Variants in SCHIP1 observed in about 807,000 individuals in gnomAD.
SCHIP1 encodes the protein schwannomin interacting protein 1, also known as schwannomin-interacting protein 1.
A neutral mutation model predicts 29.7 loss-of-function variants in SCHIP1; 8 were observed. That is an observed-to-expected ratio of 0.27 (90% CI 0.16 to 0.49). The LOEUF (loss-of-function observed/expected upper bound fraction) is 0.49, where lower values mean the gene tolerates loss of function less well. Ranked by LOEUF, SCHIP1 falls within the 20% of genes least tolerant of loss-of-function variation. SCHIP1 has a pLI of 0.99. For synonymous variants in SCHIP1, 76 were observed against 94.9 expected, an observed-to-expected ratio of 0.80 and a Z score of 1.16; for missense variants, 193 against 294.6, an observed-to-expected ratio of 0.66 and a Z score of 2.52.
the SCHIP1 span, among the ~76,000 whole-genome samples, chr3:159,312,323 A>G: frequency 4.1e-3 from 619 of 152,272 alleles, 2 homozygotes; most frequent in Non-Finnish European, 6.6e-3. Flanking sequence ...GTGGTGATCT[A>G]TGGGCCATGG....
the SCHIP1 span, among the ~76,000 whole-genome samples, chr3:159,661,911 T>C: frequency 1.3e-5 from 2 of 152,196 alleles, no homozygotes; most frequent in Non-Finnish European, 2.9e-5. Context: ...AGTATGTCAG[T>C]ATATTCAGTT....
the SCHIP1 span, among the ~76,000 whole-genome samples, chr3:159,438,210 A>G: frequency 1.3e-5 from 2 of 152,112 alleles, no homozygotes; most frequent in African/African-American, 4.8e-5. Context: ...TCTTATCGAA[A>G]TGGGGTATAG....
the SCHIP1 span, among the ~76,000 whole-genome samples, chr3:159,523,806 A>C: frequency 6.6e-6 from 1 of 152,238 alleles, no homozygotes; most frequent in Non-Finnish European, 1.5e-5. Context: ...CGCACTTAGG[A>C]GTCAGATCTA....
chr3:159,712,730 AGAAGG>A, the SCHIP1 span, among the ~76,000 whole-genome samples: 1 of 151,354 alleles, frequency 6.6e-6, no homozygotes, highest in African/African-American at 2.4e-5. Context: ...GGAAGGGAAG[AGAAGG>A]GAAGGGAAGG....
chr3:159,621,950 G>A, the SCHIP1 span, among the ~76,000 whole-genome samples: 2 of 152,204 alleles, frequency 1.3e-5, no homozygotes, highest in African/African-American at 4.8e-5. Context: ...ACAGGCGTGA[G>A]CCACTGTGCT....
chr3:159,507,059 G>C, the SCHIP1 span, among the ~76,000 whole-genome samples: 1 of 152,182 alleles, frequency 6.6e-6, no homozygotes, highest in African/African-American at 2.4e-5. Context: ...ACCTTGGGCA[G>C]TGTGGCCATT....
At chr3:159,809,218 A>G in the SCHIP1 span, among the ~76,000 whole-genome samples, 56 of 148,150 alleles carry the variant, frequency 3.8e-4, no homozygotes, top group Admixed American at 2.8e-3. Flanking sequence ...ACTACCACTG[A>G]TGAGTGAGAA....
chr3:159,430,536 T>TG, the SCHIP1 span, among the ~76,000 whole-genome samples: 1 of 152,146 alleles, frequency 6.6e-6, no homozygotes, highest in Non-Finnish European at 1.5e-5. Context: ...GGAGGTTCCT[T>TG]GGGGCATTGA....
chr3:159,799,833 T>G, the SCHIP1 span, among the ~76,000 whole-genome samples: 1 of 152,286 alleles, frequency 6.6e-6, no homozygotes, highest in Non-Finnish European at 1.5e-5. Flanking sequence ...CTAAGAATAG[T>G]GAGAAACTTA....
chr3:159,466,583 G>A, the SCHIP1 span, among the ~76,000 whole-genome samples: 2 of 152,108 alleles, frequency 1.3e-5, no homozygotes, highest in Admixed American at 1.3e-4. Flanking sequence ...TTCTTTTATG[G>A]AGGTAACTCA....
At chr3:159,792,301 A>AGG in the SCHIP1 span, among the ~76,000 whole-genome samples, 29 of 152,220 alleles carry the variant, frequency 1.9e-4, no homozygotes, top group Non-Finnish European at 3.8e-4. Context: ...CTTGGGGCAT[A>AGG]GGACAGACTT....
At chr3:159,406,297 G>A in the SCHIP1 span, among the ~76,000 whole-genome samples, 1 of 152,172 alleles carries the variant, frequency 6.6e-6, no homozygotes, top group East Asian at 1.9e-4. Context: ...ACCTTACAGG[G>A]CAGGAGAAGG....
At chr3:159,516,570 C>T in the SCHIP1 span, among the ~76,000 whole-genome samples, 4 of 152,180 alleles carry the variant, frequency 2.6e-5, no homozygotes, top group African/African-American at 9.6e-5. Flanking sequence ...ACCCCTCCTT[C>T]CATTCTGCAG....
At chr3:159,300,938 C>A in the SCHIP1 span, among the ~76,000 whole-genome samples, 1 of 152,082 alleles carries the variant, frequency 6.6e-6, no homozygotes, top group Non-Finnish European at 1.5e-5. Context: ...GTTTTCTTAA[C>A]CTGCCTTATG....
the SCHIP1 span, among the ~76,000 whole-genome samples, chr3:159,710,304 C>T: frequency 6.6e-6 from 1 of 151,944 alleles, no homozygotes; most frequent in Non-Finnish European, 1.5e-5. Context: ...ATAGTGGAAT[C>T]CAGGGAACAT....
the SCHIP1 span, among the ~76,000 whole-genome samples, chr3:159,771,788 G>A: frequency 2.6e-5 from 4 of 151,458 alleles, no homozygotes. Flanking sequence ...CTATCTATGT[G>A]TATATACAAT....
At chr3:159,409,471 G>A in the SCHIP1 span, among the ~76,000 whole-genome samples, 2 of 151,950 alleles carry the variant, frequency 1.3e-5, no homozygotes, top group East Asian at 1.9e-4. Context: ...AAAAATAATA[G>A]CATTTCTATA....
intron 2 of SCHIP1, among the ~76,000 whole-genome samples, chr3:159,867,049 T>C (rs745598016): frequency 1.3e-5 from 2 of 152,154 alleles, no homozygotes; most frequent in Non-Finnish European, 2.9e-5. Flanking sequence ...TGCCATTCCA[T>C]AGGCTACTTT....
chr3:159,289,580 A>T, the SCHIP1 span, among the ~76,000 whole-genome samples: 1 of 152,304 alleles, frequency 6.6e-6, no homozygotes, highest in East Asian at 1.9e-4. Context: ...CTCAAACTGC[A>T]TGCTAGTGTT....
Sources: allele counts gnomAD v4.1 joint callset (sites outside exome capture counted in the v4.1 genomes callset), GRCh38; gene constraint gnomAD v4.1.1; transcripts MANE v1.5; gene names NCBI Gene and HGNC (gene_info 2026-07-23, HGNC 2026-07-21).